KCNQ3: variants seen among roughly 807,000 people sequenced by gnomAD.
KCNQ3 encodes the protein potassium voltage-gated channel subfamily Q member 3.
In KCNQ3, 30 loss-of-function variants were observed where a neutral mutation model predicts 92.5. The observed-to-expected ratio is 0.32, with a 90% CI of 0.24 to 0.44. The LOEUF is 0.44. Among genes scored for constraint, KCNQ3 ranks in the 20% least tolerant of loss-of-function variants. The pLI, the probability that KCNQ3 is intolerant of heterozygous loss-of-function variation, is 1.00. For missense variants in KCNQ3, 913 were observed against 1,140.3 expected, an observed-to-expected ratio of 0.80 and a Z score of 2.87; for synonymous variants, 450 against 468.8, an observed-to-expected ratio of 0.96 and a Z score of 0.52.
At chr8:132,300,104 A>G (rs1464472838) in intron 1 of KCNQ3, among the ~76,000 whole-genome samples, 2 of 152,232 alleles carry the variant, frequency 1.3e-5, no homozygotes, top group Non-Finnish European at 2.9e-5. Context: ...CCTGCAACAC[A>G]GCAAACACAG....
chr8:132,371,941 G>A (rs548007433), intron 1 of KCNQ3, among the ~76,000 whole-genome samples: 1 of 152,152 alleles, frequency 6.6e-6, no homozygotes, highest in East Asian at 1.9e-4. Flanking sequence ...TACTCCAGGG[G>A]GGATTTGTAG....
At position 132,409,628 on chromosome 8, in the gene KCNQ3, T is replaced by C. The variant is rs191021655; in HGVS notation, c.386+70519A>G. On this transcript the variant is annotated intron_variant, in intron 1 of 14. Coordinates refer to ENST00000388996, the MANE Select transcript of KCNQ3 (RefSeq NM_004519.4). ...CTCATCATCTACCTTCACAACCTAA[T>C]GTCTGACAGGTAGAAGATGCTCTGA... is the stretch of plus-strand genomic sequence containing the variant. Among the ~76,000 whole-genome samples, 946 of 152,280 alleles carry C rather than the reference T, an allele frequency of 6.2e-3. 8 individuals are homozygous for C. The highest frequency in any genetic ancestry group is 6.5e-3 in the Non-Finnish European group (440 of 68,016).
chr8:132,230,779 T>C (rs1468071068), intron 1 of KCNQ3, among the ~76,000 whole-genome samples: 1 of 152,166 alleles, frequency 6.6e-6, no homozygotes. Flanking sequence ...TTAGGTTGTC[T>C]CCCATAGTGT....
At chr8:132,392,790 C>CAAAAAAAAAAAAAAAA (rs56183412) in intron 1 of KCNQ3, among the ~76,000 whole-genome samples, 12 of 72,638 alleles carry the variant, frequency 1.7e-4, no homozygotes, top group African/African-American at 8.4e-4. Flanking sequence ...GAACCTGTCT[C>CAAAAAAAAAAAAAAAA]AAAAAAAAAA....
chr8:132,203,351 G>GC (rs1827520219), intron 1 of KCNQ3, among the ~76,000 whole-genome samples: 3 of 152,140 alleles, frequency 2.0e-5, no homozygotes, highest in Admixed American at 2.0e-4. Flanking sequence ...ATCATGAGGA[G>GC]CTCCTGTCAA....
At chr8:132,161,359 T>C (rs891370087) in intron 9 of KCNQ3, among the ~76,000 whole-genome samples, 1 of 152,206 alleles carries the variant, frequency 6.6e-6, no homozygotes, top group African/African-American at 2.4e-5. Flanking sequence ...CTGGGCCCGG[T>C]GGCTCATGCC....
chr8:132,480,585 A>G lies in KCNQ3; in HGVS notation c.-53T>C. 8.1e-7 allele frequency: 1 copy of G among 1,241,364 alleles called. No individual in the cohort carries two copies. Among genetic ancestry groups the G allele is most frequent in the South Asian group, 1.5e-5 (1 of 64,726 alleles). 76.9% of individuals were successfully genotyped at this position (1,241,364 alleles called of 1,614,324 possible). A position where few individuals can be genotyped will look rare whatever the true frequency, so the allele number is the denominator to read the frequency against. On this transcript the variant is annotated 5_prime_UTR_variant, in exon 1 of 15. Coordinates refer to ENST00000388996, the MANE Select transcript of KCNQ3 (RefSeq NM_004519.4). ...CTTCTCCGCTGCTGCTCTGGGAAGA[A>G]GGGGCGCTCGGGGTGCGTGAACGAG...
chr8:132,267,669 A>G (rs1156359406), intron 1 of KCNQ3, among the ~76,000 whole-genome samples: 1 of 152,194 alleles, frequency 6.6e-6, no homozygotes, highest in African/African-American at 2.4e-5. Flanking sequence ...CGTATATATC[A>G]GAACTCCCTA....
intron 1 of KCNQ3, among the ~76,000 whole-genome samples, chr8:132,469,495 CAACGTACTCTGACA>C (rs1182956012): frequency 1.3e-5 from 2 of 152,202 alleles, no homozygotes; most frequent in Non-Finnish European, 2.9e-5. Flanking sequence ...AAAGCTCACT[CAACGTACTCTGACA>C]AACCCAGAGC....
intron 9 of KCNQ3, among the ~76,000 whole-genome samples, chr8:132,154,002 A>AT (rs201913196): frequency 0.057 from 8,623 of 150,436 alleles, 364 homozygotes; most frequent in South Asian, 0.12. Flanking sequence ...AAAAAATGCC[A>AT]TTTTTTTTCC....
At chr8:132,339,918 C>T (rs763059003) in intron 1 of KCNQ3, among the ~76,000 whole-genome samples, 11 of 151,208 alleles carry the variant, frequency 7.3e-5, no homozygotes, top group Non-Finnish European at 1.5e-4. Flanking sequence ...AAGGCCTTCT[C>T]TGTAAAGAAA....
Position 132,172,595 on chromosome 8 carries a change from G to T in KCNQ3, c.1140+3C>A. ...ATTCCAGTTCATTCCCAGGCAGACA[G>T]ACCTGAATGAGCTCAGCAGCTGGCT... On this transcript the variant is annotated splice_donor_region_variant and intron_variant, in intron 7 of 14. Transcript: ENST00000388996. The T allele has an allele frequency of 6.2e-7, 1 of 1,612,990 alleles. No individual in the cohort carries two copies. The highest frequency in any genetic ancestry group is 1.1e-5 in the South Asian group (1 of 91,060).
chr8:132,318,557 T>C (rs750598883), intron 1 of KCNQ3, among the ~76,000 whole-genome samples: 5 of 152,234 alleles, frequency 3.3e-5, no homozygotes, highest in Non-Finnish European at 5.9e-5. Flanking sequence ...TTAGCTGTCA[T>C]GTGGTGAGGG....
chr8:132,280,598 T>C (rs1816483607), intron 1 of KCNQ3, among the ~76,000 whole-genome samples: 1 of 152,164 alleles, frequency 6.6e-6, no homozygotes, highest in South Asian at 2.1e-4. Context: ...GATTACATCT[T>C]GGCATGAGAT....
At chr8:132,225,748 C>T (rs1814392201) in intron 1 of KCNQ3, among the ~76,000 whole-genome samples, 1 of 152,132 alleles carries the variant, frequency 6.6e-6, no homozygotes, top group African/African-American at 2.4e-5. Flanking sequence ...CAATATTTAC[C>T]AGCAGGTCAC....
At chr8:132,447,246 C>G (rs767420529) in intron 1 of KCNQ3, 1 of 1,535,528 alleles carries the variant, frequency 6.5e-7, no homozygotes, top group South Asian at 1.2e-5. Flanking sequence ...AATGCAAGAA[C>G]AAGATTTTTA....
chr8:132,145,691 C>T lies in KCNQ3; in HGVS notation c.1263-4360G>A, dbSNP rs986870044. On this transcript the variant is annotated intron_variant, in intron 9 of 14. Coordinates refer to ENST00000388996, the MANE Select transcript of KCNQ3 (RefSeq NM_004519.4). ...GTCAAGAAGACATATAATAAGTAAA[C>T]AGACACATTCATTGCTAGAAATCTG... Among the ~76,000 whole-genome samples, 7 of 152,162 alleles carry T rather than the reference C, an allele frequency of 4.6e-5. No individual in the cohort carries two copies. The East Asian group carries it at 1.3e-3, about 29-fold the overall frequency.
chr8:132,284,322 T>A (rs1040275933), intron 1 of KCNQ3, among the ~76,000 whole-genome samples: 1 of 152,184 alleles, frequency 6.6e-6, no homozygotes, highest in African/African-American at 2.4e-5. Context: ...TACTATTAAG[T>A]TATACCTCAG....
intron 1 of KCNQ3, among the ~76,000 whole-genome samples, chr8:132,213,719 G>A (rs1813939100): frequency 6.6e-6 from 1 of 152,174 alleles, no homozygotes; most frequent in African/African-American, 2.4e-5. Context: ...CTTTAGTAAG[G>A]TATTGCAAGC....
Sources: allele counts gnomAD v4.1 joint callset (sites outside exome capture counted in the v4.1 genomes callset), GRCh38; gene constraint gnomAD v4.1.1; transcripts MANE v1.5; gene names NCBI Gene and HGNC (gene_info 2026-07-23, HGNC 2026-07-21).